Variants in GALNT13 observed in about 807,000 individuals in gnomAD.
The protein encoded by GALNT13 is polypeptide N-acetylgalactosaminyltransferase 13, also known as UDP-GalNAc:polypeptide N-acetylgalactosaminyltransferase 13.
Under a neutral mutation model 64.2 loss-of-function variants are expected in GALNT13, and 28 were observed. That is an observed-to-expected ratio of 0.44 (90% confidence interval 0.32 to 0.60). The LOEUF (loss-of-function observed/expected upper bound fraction) is 0.60, where lower values mean the gene tolerates loss of function less well. Among genes scored for constraint, GALNT13 ranks in the 20% least tolerant of loss-of-function variants. The pLI is 0.05. For synonymous variants in GALNT13, 214 were observed against 224.6 expected (o/e 0.95, Z 0.42); for missense variants, 577 against 669.8 (o/e 0.86, Z 1.53).
At chr2:153,467,371 C>T in the GALNT13 span, among the ~76,000 whole-genome samples, 1 of 151,918 alleles carries the variant, frequency 6.6e-6, no homozygotes, top group Non-Finnish European at 1.5e-5. Context: ...AATCATTACC[C>T]AAAGCTGTAC....
chr2:153,122,623 G>T, the GALNT13 span, among the ~76,000 whole-genome samples: 1 of 152,178 alleles, frequency 6.6e-6, no homozygotes, highest in African/African-American at 2.4e-5. Context: ...AGGATAGCTG[G>T]TTGGCTTGAG....
At chr2:153,958,419 G>A (rs1162923546) in intron 3 of GALNT13, among the ~76,000 whole-genome samples, 2 of 152,146 alleles carry the variant, frequency 1.3e-5, no homozygotes, top group Non-Finnish European at 2.9e-5. Context: ...AAGTCTAATT[G>A]TAAAGTATCA....
In GALNT13 at chr2:154,143,441, T is replaced by TA. The variant is rs201708466; in HGVS notation, c.311+2942dup. 6.2e-3 allele frequency among the ~76,000 whole-genome samples: 943 copies of TA among 152,024 alleles called. 10 individuals carry two copies. Among genetic ancestry groups the TA allele is most frequent in the African/African-American group, 0.021 (887 of 41,476 alleles). On this transcript the variant is annotated intron_variant, in intron 4 of 12. Coordinates refer to ENST00000392825, the MANE Select transcript of GALNT13 (RefSeq NM_052917.4). ...CTAGGTAAACACTATTTCAAGTTTT[T>TA]AAAAAATCTCGACTTTCAACTGTCA...
the GALNT13 span, among the ~76,000 whole-genome samples, chr2:153,665,584 TAGA>T: frequency 2.0e-5 from 3 of 152,078 alleles, no homozygotes; most frequent in African/African-American, 7.2e-5. Flanking sequence ...GTGACTCTGC[TAGA>T]AGAAGAATAC....
At chr2:154,198,752 A>C (rs1429598726) in intron 4 of GALNT13, among the ~76,000 whole-genome samples, 1 of 152,034 alleles carries the variant, frequency 6.6e-6, no homozygotes, top group African/African-American at 2.4e-5. Flanking sequence ...TATGGGTAGG[A>C]GGGAACTGAA....
the GALNT13 span, among the ~76,000 whole-genome samples, chr2:153,429,557 T>G: frequency 2.6e-5 from 4 of 152,162 alleles, no homozygotes; most frequent in African/African-American, 9.6e-5. Flanking sequence ...TTAGTAGAGA[T>G]AGTTATATCA....
At chr2:153,482,852 A>C in the GALNT13 span, among the ~76,000 whole-genome samples, 3 of 151,720 alleles carry the variant, frequency 2.0e-5, no homozygotes, top group South Asian at 6.2e-4. Flanking sequence ...TTTTGAAAGG[A>C]TTGATCTATT....
intron 10 of GALNT13, among the ~76,000 whole-genome samples, chr2:154,398,638 C>T (rs139095335): frequency 8.5e-5 from 13 of 152,222 alleles, no homozygotes; most frequent in Non-Finnish European, 1.8e-4. Flanking sequence ...CATTCCAGCC[C>T]CTGAAGTCAA....
intron 3 of GALNT13, among the ~76,000 whole-genome samples, chr2:154,011,577 C>T (rs951743552): frequency 1.3e-5 from 2 of 152,076 alleles, no homozygotes; most frequent in African/African-American, 4.8e-5. Context: ...TGTAGATTAT[C>T]TGTTAGGTCC....
chr2:153,281,101 G>A, the GALNT13 span, among the ~76,000 whole-genome samples: 1 of 152,130 alleles, frequency 6.6e-6, no homozygotes, highest in Non-Finnish European at 1.5e-5. Flanking sequence ...TGAACCCTTT[G>A]TCACTATATT....
intron 7 of GALNT13, among the ~76,000 whole-genome samples, chr2:154,255,795 T>C (rs1690338662): frequency 1.3e-5 from 2 of 152,084 alleles, no homozygotes; most frequent in Non-Finnish European, 2.9e-5. Context: ...CTAACACCTG[T>C]AATCCCAGCA....
chr2:153,165,008 G>A, the GALNT13 span, among the ~76,000 whole-genome samples: 2 of 152,184 alleles, frequency 1.3e-5, no homozygotes, highest in South Asian at 4.1e-4. Flanking sequence ...ATATCCCACT[G>A]TTTGAGTTGG....
intron 4 of GALNT13, among the ~76,000 whole-genome samples, chr2:154,164,101 A>G (rs1684889518): frequency 6.6e-6 from 1 of 152,188 alleles, no homozygotes; most frequent in African/African-American, 2.4e-5. Flanking sequence ...TTTATAAAAC[A>G]TTTTAGTAGG....
intron 3 of GALNT13, among the ~76,000 whole-genome samples, chr2:153,969,424 C>A (rs1693598474): frequency 6.6e-6 from 1 of 151,864 alleles, no homozygotes; most frequent in Admixed American, 6.6e-5. Context: ...AACACATGAT[C>A]TCTATTTAAA....
chr2:154,412,020 A>G (rs530419347), intron 11 of GALNT13, among the ~76,000 whole-genome samples: 1 of 151,912 alleles, frequency 6.6e-6, no homozygotes, highest in South Asian at 2.1e-4. Context: ...ATTGCCATTA[A>G]TTAGCCCCTT....
the GALNT13 span, among the ~76,000 whole-genome samples, chr2:153,708,741 T>C: frequency 6.6e-6 from 1 of 152,150 alleles, no homozygotes; most frequent in African/African-American, 2.4e-5. Context: ...ATCTACTGTA[T>C]ACTACAAAGC....
the GALNT13 span, among the ~76,000 whole-genome samples, chr2:153,720,930 G>A: frequency 2.0e-5 from 3 of 151,992 alleles, no homozygotes; most frequent in South Asian, 4.2e-4. Flanking sequence ...AGCAAGGCAG[G>A]CCGACGTTCA....
chr2:153,259,533 G>C, the GALNT13 span, among the ~76,000 whole-genome samples: 2 of 151,978 alleles, frequency 1.3e-5, no homozygotes, highest in African/African-American at 2.4e-5. Context: ...CATATGTCAT[G>C]GGAGAGACCT....
the GALNT13 span, among the ~76,000 whole-genome samples, chr2:153,218,824 C>T: frequency 6.6e-6 from 1 of 152,162 alleles, no homozygotes; most frequent in Admixed American, 6.5e-5. Context: ...AGCATCTGCC[C>T]TTGGTAAGAA....
Sources: gnomAD v4.1 joint callset for allele counts (sites outside exome capture counted in the v4.1 genomes callset) on GRCh38, gnomAD v4.1.1 for gene constraint, MANE v1.5 for transcripts, NCBI Gene and HGNC (gene_info 2026-07-23, HGNC 2026-07-21) for gene names.